The following STAG2 variants were observed in gnomAD, a reference collection of about 807,000 sequenced individuals.
STAG2 encodes the protein cohesin subunit SA-2.
In STAG2, 14 loss-of-function variants were observed where a neutral mutation model predicts 108.1. The ratio of observed to expected loss-of-function variants is 0.13; its 90% confidence interval spans 0.09 to 0.20. The LOEUF is 0.20. Among genes scored for constraint, STAG2 ranks in the 10% least tolerant of loss-of-function variants. The probability of loss-of-function intolerance (pLI) is 1.00; values close to 1 mark genes in which losing one functional copy is unlikely to be tolerated. For missense variants in STAG2, 440 were observed against 940.9 expected (o/e 0.47, Z 6.96); for synonymous variants, 307 against 302.7 (o/e 1.01, Z -0.15).
intron 30 of STAG2, among the ~76,000 whole-genome samples, chrX:124,090,160 CAAAAAAAAAAAA>C (rs758142487): frequency 3.5e-5 from 1 of 28,405 alleles, no homozygotes. Context: ...GACTCTGTCT[CAAAAAAAAAAAA>C]AAAAAAAAAA....
Position 124,083,206 on chromosome X carries a change from T to TTG in STAG2, c.2925-199_2925-198dup, listed in dbSNP as rs199790131. Among the ~76,000 whole-genome samples the TTG allele has an allele frequency of 0.48, 51,590 of 106,855 alleles. 10,422 individuals are homozygous for TTG. Among genetic ancestry groups the TTG allele is most frequent in the Non-Finnish European group, 0.6 (31,082 of 51,380 alleles). The allele number at this position is 106,855 out of a possible 115,157, so 92.8% of individuals were successfully genotyped here. On this transcript the variant is annotated intron_variant, in intron 28 of 34. Coordinates refer to ENST00000371145, the MANE Select transcript of STAG2 (RefSeq NM_001042750.2). ...AAAGCTAAGTGGCGTGTGTGTGTGT[T>TTG]TGTGTGTGTGTGTGTGTATTGTTTT...
At chrX:124,044,812 A>G (rs898951237) in intron 7 of STAG2, among the ~76,000 whole-genome samples, 5 of 112,090 alleles carry the variant, frequency 4.5e-5, no homozygotes. Context: ...CCATTTAAAA[A>G]TATAATTTTG....
chrX:123,989,607 CT>C (rs754131782), intron 1 of STAG2, among the ~76,000 whole-genome samples: 101 of 96,698 alleles, frequency 1.0e-3, no homozygotes, highest in Middle Eastern at 5.1e-3. Context: ...TTTTTTCTTT[CT>C]TTTTTTTTTT....
intron 32 of STAG2, among the ~76,000 whole-genome samples, chrX:124,092,440 G>A (rs1184332509): frequency 9.0e-6 from 1 of 111,501 alleles, no homozygotes; most frequent in Non-Finnish European, 1.9e-5. Flanking sequence ...CCAGAATTCT[G>A]CCATGCAATC....
At chrX:123,985,347 A>G (rs1408391363) in intron 1 of STAG2, among the ~76,000 whole-genome samples, 1 of 110,955 alleles carries the variant, frequency 9.0e-6, no homozygotes, top group Non-Finnish European at 1.9e-5. Context: ...CTCCTGCCTT[A>G]GCCTCCTGAG....
In STAG2 at chrX:124,027,911, GT is replaced by G. The variant is rs72267341; in HGVS notation, c.123+1995del. ...TTGCTTTTTGTATAATGCTTCCTTTGTTATTATCACTCCTTGCACATTTTTT... is the reference window on the plus strand; with the variant it reads ...TTGCTTTTTGTATAATGCTTCCTTTGTATTATCACTCCTTGCACATTTTTT... On this transcript the variant is annotated intron_variant, in intron 4 of 34. Coordinates refer to ENST00000371145, the MANE Select transcript of STAG2 (RefSeq NM_001042750.2). 6.0e-3 allele frequency among the ~76,000 whole-genome samples: 666 copies of G among 110,513 alleles called. 5 individuals are homozygous for G. Among genetic ancestry groups the G allele is most frequent in the African/African-American group, 0.02 (617 of 30,438 alleles).
intron 1 of STAG2, among the ~76,000 whole-genome samples, chrX:124,000,428 G>T (rs913236322): frequency 5.4e-5 from 6 of 111,390 alleles, no homozygotes; most frequent in Non-Finnish European, 1.1e-4. Context: ...CCAACACTTT[G>T]GGAGGCTGAG....
chrX:123,966,519 G>A (rs779569707), intron 1 of STAG2, among the ~76,000 whole-genome samples: 4 of 110,531 alleles, frequency 3.6e-5, no homozygotes, highest in Admixed American at 9.7e-5. Context: ...ACTTTAGTTC[G>A]TGTTTCAGTA....
intron 1 of STAG2, among the ~76,000 whole-genome samples, chrX:123,999,510 C>T (rs1351960986): frequency 9.0e-6 from 1 of 111,526 alleles, no homozygotes; most frequent in Non-Finnish European, 1.9e-5. Flanking sequence ...GTGGCATAAT[C>T]ATAGCTCACT....
chrX:123,994,114 G>A (rs192872932), intron 1 of STAG2, among the ~76,000 whole-genome samples: 129 of 111,888 alleles, frequency 1.2e-3, no homozygotes, highest in African/African-American at 3.7e-3. Context: ...GGCTTCTGGT[G>A]ATGGTTACTT....
intron 1 of STAG2, among the ~76,000 whole-genome samples, chrX:123,975,183 A>G (rs1156630157): frequency 8.9e-6 from 1 of 111,813 alleles, no homozygotes; most frequent in African/African-American, 3.3e-5. Flanking sequence ...ATATATAAAG[A>G]TAGGAAAATG....
intron 1 of STAG2, among the ~76,000 whole-genome samples, chrX:123,994,112 G>T (rs186929933): frequency 1.8e-5 from 2 of 111,823 alleles, no homozygotes; most frequent in Non-Finnish European, 3.8e-5. Context: ...TTGGCTTCTG[G>T]TGATGGTTAC....
chrX:124,045,118 A>T (rs749216751), intron 7 of STAG2, 46 bp from the exon 8 acceptor site: 2 of 1,073,864 alleles, frequency 1.9e-6, no homozygotes, highest in African/African-American at 3.7e-5. Context: ...TGATATGTTA[A>T]GTCATGCATT....
chrX:124,005,112 C>T (rs1246806102), intron 1 of STAG2, among the ~76,000 whole-genome samples: 1 of 111,450 alleles, frequency 9.0e-6, no homozygotes, highest in African/African-American at 3.3e-5. Flanking sequence ...AATATAAATG[C>T]CGTGTAAATA....
chrX:124,021,045 A>T (rs2056910357), intron 1 of STAG2, among the ~76,000 whole-genome samples: 1 of 112,809 alleles, frequency 8.9e-6, no homozygotes, highest in Non-Finnish European at 1.9e-5. Flanking sequence ...TTGATTATTC[A>T]GGATTTAATT....
chrX:124,050,902 T>C (rs1457171397), intron 11 of STAG2, among the ~76,000 whole-genome samples: 1 of 111,731 alleles, frequency 9.0e-6, no homozygotes, highest in Non-Finnish European at 1.9e-5. Flanking sequence ...AAATTATCCT[T>C]TGAACTACAG....
At chrX:124,018,576 C>G (rs2056815412) in intron 1 of STAG2, among the ~76,000 whole-genome samples, 2 of 111,016 alleles carry the variant, frequency 1.8e-5, no homozygotes, top group South Asian at 7.6e-4. Flanking sequence ...TCATGGCTCA[C>G]TGCAGCTTCT....
At chrX:124,056,731 TAAAAAAAAAAA>T (rs771229412) in intron 14 of STAG2, among the ~76,000 whole-genome samples, 450 of 42,371 alleles carry the variant, frequency 0.011, 3 homozygotes, top group African/African-American at 0.04. Context: ...AGACTCCATC[TAAAAAAAAAAA>T]AAAAAAAAAA....
At chrX:123,972,653 A>C (rs1359509603) in intron 1 of STAG2, among the ~76,000 whole-genome samples, 2 of 109,497 alleles carry the variant, frequency 1.8e-5, no homozygotes, top group Non-Finnish European at 3.8e-5. Context: ...TTCTCACCAG[A>C]TGAAGGAATT....
Sources: allele counts gnomAD v4.1 joint callset (sites outside exome capture counted in the v4.1 genomes callset), GRCh38; gene constraint gnomAD v4.1.1; transcripts MANE v1.5; gene names NCBI Gene and HGNC (gene_info 2026-07-23, HGNC 2026-07-21).